Variants in TAS2R1 observed in about 807,000 individuals in gnomAD.
TAS2R1 encodes taste 2 receptor member 1.
For synonymous variants in TAS2R1, 141 were observed against 134.2 expected, an observed-to-expected ratio of 1.05 and a Z score of -0.35; for missense variants, 370 against 353.4, an observed-to-expected ratio of 1.05 and a Z score of -0.38.
chr5:9,802,951 A>C, the TAS2R1 span, among the ~76,000 whole-genome samples: 1 of 152,198 alleles, frequency 6.6e-6, no homozygotes, highest in Non-Finnish European at 1.5e-5. Context: ...AAGCAGATGA[A>C]GGAGGCACCA....
the TAS2R1 span, among the ~76,000 whole-genome samples, chr5:9,859,228 G>T: frequency 2.0e-5 from 3 of 151,990 alleles, no homozygotes; most frequent in Admixed American, 2.0e-4. Context: ...TATCTAACAC[G>T]AACTGGAATT....
the TAS2R1 span, among the ~76,000 whole-genome samples, chr5:9,747,050 A>T: frequency 5.6e-4 from 85 of 152,308 alleles, 1 homozygote; most frequent in East Asian, 0.016. Flanking sequence ...GACAAAGGAG[A>T]CTAAGTTCAT....
upstream of TAS2R1, among the ~76,000 whole-genome samples, chr5:9,633,294 T>TTATATATATA (rs200096603): frequency 2.5e-3 from 167 of 67,792 alleles, 3 homozygotes; most frequent in Middle Eastern, 6.3e-3. Flanking sequence ...TGTGTGTATA[T>TTATATATATA]TATATATATA....
the TAS2R1 span, among the ~76,000 whole-genome samples, chr5:9,874,056 C>T: frequency 4.0e-5 from 6 of 151,786 alleles, no homozygotes; most frequent in Non-Finnish European, 7.4e-5. Context: ...CAAAGTACTA[C>T]ATGGAGTGAG....
chr5:9,644,152 G>C (rs931375837), intron 2 of TAS2R1, among the ~76,000 whole-genome samples: 1 of 152,284 alleles, frequency 6.6e-6, no homozygotes, highest in South Asian at 2.1e-4. Context: ...TGAGGGGGAA[G>C]CTTTGTTATA....
the TAS2R1 span, among the ~76,000 whole-genome samples, chr5:9,748,159 C>T: frequency 9.5e-3 from 1,439 of 152,214 alleles, 23 homozygotes; most frequent in African/African-American, 0.031. Flanking sequence ...GCTATTCTAG[C>T]ATTTAAACCA....
chr5:9,788,628 A>G, the TAS2R1 span, among the ~76,000 whole-genome samples: 1 of 152,228 alleles, frequency 6.6e-6, no homozygotes, highest in African/African-American at 2.4e-5. Context: ...AGATAGCCAC[A>G]AAGAAACAAG....
intron 1 of TAS2R1, among the ~76,000 whole-genome samples, chr5:9,678,180 A>T (rs899571674): frequency 4.6e-5 from 7 of 152,328 alleles, no homozygotes; most frequent in African/African-American, 1.7e-4. Flanking sequence ...CATATGAAAA[A>T]AACCTCAACA....
intron 1 of TAS2R1, among the ~76,000 whole-genome samples, chr5:9,695,276 C>T (rs1741334406): frequency 6.6e-6 from 1 of 152,150 alleles, no homozygotes; most frequent in East Asian, 1.9e-4. Flanking sequence ...GAGAAAGCCT[C>T]AATTCCCTTC....
chr5:9,636,013 T>A (rs751835533), intron 2 of TAS2R1, among the ~76,000 whole-genome samples: 7 of 152,216 alleles, frequency 4.6e-5, no homozygotes, highest in Non-Finnish European at 1.0e-4. Context: ...TCTAGTTCCT[T>A]GAGGTATGAC....
At chr5:9,826,461 C>A in the TAS2R1 span, among the ~76,000 whole-genome samples, 1 of 152,116 alleles carries the variant, frequency 6.6e-6, no homozygotes, top group Non-Finnish European at 1.5e-5. Context: ...AATGTCTCAA[C>A]TGGAAACTAT....
chr5:9,762,245 C>A, the TAS2R1 span, among the ~76,000 whole-genome samples: 4 of 152,334 alleles, frequency 2.6e-5, no homozygotes, highest in South Asian at 8.3e-4. Context: ...CCTCCACATA[C>A]AACCGCCCCT....
chr5:9,866,929 T>C, the TAS2R1 span, among the ~76,000 whole-genome samples: 1 of 152,350 alleles, frequency 6.6e-6, no homozygotes, highest in South Asian at 2.1e-4. Flanking sequence ...CCTGTGTGTA[T>C]GTATGTTCTA....
the TAS2R1 span, among the ~76,000 whole-genome samples, chr5:9,786,962 A>T: frequency 6.6e-6 from 1 of 152,148 alleles, no homozygotes; most frequent in Non-Finnish European, 1.5e-5. Context: ...CTTTCTCTAA[A>T]TGAATCCTGC....
the TAS2R1 span, among the ~76,000 whole-genome samples, chr5:9,890,219 C>A: frequency 6.6e-6 from 1 of 152,276 alleles, no homozygotes; most frequent in South Asian, 2.1e-4. Context: ...GAAACCAGAA[C>A]CTTTGTGTTC....
At chr5:9,772,354 G>T in the TAS2R1 span, among the ~76,000 whole-genome samples, 1 of 152,018 alleles carries the variant, frequency 6.6e-6, no homozygotes, top group Non-Finnish European at 1.5e-5. Context: ...TTATGTCATT[G>T]TGGTCAGAGA....
At position 9,635,960 on chromosome 5, in the gene TAS2R1, T is replaced by C. The variant is rs115337668; in HGVS notation, c.-80-5968A>G. On this transcript the variant is annotated intron_variant, in intron 2 of 2. Transcript: ENST00000506620. ...TAATTCTGCTCTGATATTTGTTATT[T>C]CTTTTTTTTCTGCCAGGTTTGGGGT... Among the ~76,000 whole-genome samples, 1,080 of 152,214 alleles carry C rather than the reference T, an allele frequency of 7.1e-3. 18 individuals are homozygous for C. The highest frequency in any genetic ancestry group is 0.025 in the African/African-American group (1,041 of 41,562).
intron 2 of TAS2R1, among the ~76,000 whole-genome samples, chr5:9,652,763 C>T (rs542055437): frequency 6.6e-6 from 1 of 152,244 alleles, no homozygotes; most frequent in Admixed American, 6.5e-5. Flanking sequence ...TTTTTATAAA[C>T]ATATGTATGG....
chr5:9,687,252 G>A (rs943257302), intron 1 of TAS2R1, among the ~76,000 whole-genome samples: 4 of 152,190 alleles, frequency 2.6e-5, no homozygotes, highest in African/African-American at 9.7e-5. Context: ...TTACAGGCGT[G>A]AGCTACCGCG....
Sources: allele counts gnomAD v4.1 joint callset (sites outside exome capture counted in the v4.1 genomes callset), GRCh38; gene constraint gnomAD v4.1.1; transcripts MANE v1.5; gene names NCBI Gene and HGNC (gene_info 2026-07-23, HGNC 2026-07-21).